SUGCT: variants seen among roughly 807,000 people sequenced by gnomAD.
SUGCT encodes the protein succinyl-CoA:glutarate CoA-transferase.
SUGCT carries 41 observed loss-of-function variants against 55.0 expected under a neutral mutation model. That is an observed-to-expected ratio of 0.74 (90% CI 0.58 to 0.97). SUGCT has a LOEUF of 0.97. Ranked by LOEUF, SUGCT falls within the 50% of genes least tolerant of loss-of-function variation. The probability of loss-of-function intolerance (pLI) is 0.00; values close to 1 mark genes in which losing one functional copy is unlikely to be tolerated. For synonymous variants in SUGCT, 187 were observed against 200.4 expected (o/e 0.93, Z 0.56); for missense variants, 568 against 547.8 (o/e 1.04, Z -0.37).
chr7:40,817,237 A>G lies in SUGCT; in HGVS notation c.1154-43079A>G, dbSNP rs571823444. ...AGATTTTAAAACTGGTCCTCTACCC[A>G]TGGGGAACTTACATTTTTGGAGGAG... On this transcript the variant is annotated intron_variant, in intron 13 of 13. Coordinates refer to ENST00000335693, the MANE Select transcript of SUGCT (RefSeq NM_001193313.2). 1.2e-4 allele frequency among the ~76,000 whole-genome samples: 18 copies of G among 152,350 alleles called. 1 individual carries two copies. The highest frequency in any genetic ancestry group is 1.0e-3 in the Admixed American group (16 of 15,298).
At chr7:40,509,758 T>G (rs1311083345) in intron 12 of SUGCT, among the ~76,000 whole-genome samples, 2 of 152,186 alleles carry the variant, frequency 1.3e-5, no homozygotes, top group African/African-American at 4.8e-5. Flanking sequence ...ATGTTACCAC[T>G]TGTTTGCTGG....
chr7:40,926,552 T>A, the SUGCT span, among the ~76,000 whole-genome samples: 1 of 152,164 alleles, frequency 6.6e-6, no homozygotes, highest in South Asian at 2.1e-4. Flanking sequence ...AAAATTTATA[T>A]GTTGAAGCCC....
At chr7:40,270,873 A>G (rs1791955502) in intron 7 of SUGCT, among the ~76,000 whole-genome samples, 1 of 143,698 alleles carries the variant, frequency 7.0e-6, no homozygotes, top group African/African-American at 2.6e-5. Flanking sequence ...ATTTCTTTCA[A>G]CAATATTTTA....
chr7:40,185,998 AATAGAAAACTAGTTTC>A (rs1785480586), intron 3 of SUGCT, among the ~76,000 whole-genome samples: 1 of 152,118 alleles, frequency 6.6e-6, no homozygotes, highest in South Asian at 2.1e-4. Context: ...TTCACATTTC[AATAGAAAACTAGTTTC>A]ATTTTATATC....
intron 12 of SUGCT, among the ~76,000 whole-genome samples, chr7:40,541,610 C>T (rs936382246): frequency 1.1e-4 from 16 of 152,102 alleles, no homozygotes; most frequent in African/African-American, 3.9e-4. Context: ...AGCTCTATCA[C>T]AGAATCCAGT....
chr7:40,281,330 A>G (rs1792939105), intron 8 of SUGCT, among the ~76,000 whole-genome samples: 1 of 152,238 alleles, frequency 6.6e-6, no homozygotes, highest in Non-Finnish European at 1.5e-5. Context: ...TGAGTATAGG[A>G]TGAAAGAGTA....
At chr7:40,395,633 G>A (rs973817804) in intron 9 of SUGCT, among the ~76,000 whole-genome samples, 1 of 151,674 alleles carries the variant, frequency 6.6e-6, no homozygotes, top group Non-Finnish European at 1.5e-5. Flanking sequence ...TCTGCTTTAA[G>A]CCATATTCCC....
chr7:40,568,536 C>T (rs1796269533), intron 12 of SUGCT, among the ~76,000 whole-genome samples: 1 of 152,200 alleles, frequency 6.6e-6, no homozygotes, highest in Non-Finnish European at 1.5e-5. Context: ...GAGATTGCCT[C>T]TTTCCTGGGA....
chr7:40,887,941 G>A, the SUGCT span, among the ~76,000 whole-genome samples: 3 of 152,158 alleles, frequency 2.0e-5, no homozygotes, highest in Non-Finnish European at 2.9e-5. Flanking sequence ...GCAGGGTCAG[G>A]TGCCACTAAA....
intron 12 of SUGCT, among the ~76,000 whole-genome samples, chr7:40,644,114 A>C (rs1800388194): frequency 6.6e-6 from 1 of 151,756 alleles, no homozygotes; most frequent in Non-Finnish European, 1.5e-5. Flanking sequence ...TCCCTAACTG[A>C]CTCCTGCATC....
At chr7:40,153,952 C>T in intron 1 of SUGCT, 2 of 335,922 alleles carry the variant, frequency 6.0e-6, no homozygotes, top group East Asian at 7.1e-5. Flanking sequence ...CGTCTGTGTA[C>T]ACCTACAACA....
intron 6 of SUGCT, among the ~76,000 whole-genome samples, chr7:40,216,577 C>T (rs1220766375): frequency 1.3e-5 from 2 of 150,212 alleles, no homozygotes; most frequent in South Asian, 2.1e-4. Context: ...GTTGGCCGGA[C>T]GCAGTAGCTC....
intron 9 of SUGCT, among the ~76,000 whole-genome samples, chr7:40,361,085 T>C (rs1798127807): frequency 6.6e-6 from 1 of 152,030 alleles, no homozygotes; most frequent in Admixed American, 6.5e-5. Context: ...TGGGAGGATG[T>C]TATTAGGAAA....
intron 13 of SUGCT, among the ~76,000 whole-genome samples, chr7:40,773,086 G>C (rs1210258035): frequency 6.6e-6 from 1 of 151,922 alleles, no homozygotes; most frequent in Non-Finnish European, 1.5e-5. Flanking sequence ...GACTACAGGG[G>C]CACATGGAAT....
intron 12 of SUGCT, among the ~76,000 whole-genome samples, chr7:40,719,865 G>C (rs767825424): frequency 2.0e-5 from 3 of 152,068 alleles, no homozygotes; most frequent in Non-Finnish European, 4.4e-5. Flanking sequence ...GCACGATCTC[G>C]GTTCACTGCA....
intron 13 of SUGCT, among the ~76,000 whole-genome samples, chr7:40,801,930 A>G (rs1156570947): frequency 6.6e-6 from 1 of 152,148 alleles, no homozygotes; most frequent in African/African-American, 2.4e-5. Flanking sequence ...CAAGAAAAAA[A>G]ATCTGCATCT....
At chr7:40,887,772 A>G in the SUGCT span, among the ~76,000 whole-genome samples, 1 of 152,224 alleles carries the variant, frequency 6.6e-6, no homozygotes. Context: ...GGGCTCTGGA[A>G]CTAACCTCCA....
the SUGCT span, among the ~76,000 whole-genome samples, chr7:40,953,536 T>C: frequency 2.6e-5 from 4 of 152,366 alleles, no homozygotes; most frequent in African/African-American, 9.6e-5. Flanking sequence ...TTCTGACTTT[T>C]AGAATTTTCA....
At chr7:40,661,303 C>T (rs73124005) in intron 12 of SUGCT, among the ~76,000 whole-genome samples, 20,299 of 152,082 alleles carry the variant, frequency 0.13, 1,606 homozygotes, top group Middle Eastern at 0.18. Flanking sequence ...TAAAACCAAC[C>T]GCTTCAGTTT....
Sources: allele counts gnomAD v4.1 joint callset (sites outside exome capture counted in the v4.1 genomes callset), GRCh38; gene constraint gnomAD v4.1.1; transcripts MANE v1.5; gene names NCBI Gene and HGNC (gene_info 2026-07-23, HGNC 2026-07-21).